Variants in CAPN8 observed in about 807,000 individuals in gnomAD.
The protein encoded by CAPN8 is calpain-8.
Under a neutral mutation model 80.9 loss-of-function variants are expected in CAPN8, and 87 were observed. The ratio of observed to expected loss-of-function variants is 1.07; its 90% confidence interval spans 0.90 to 1.28. CAPN8 has a LOEUF of 1.28. Among genes scored for constraint, CAPN8 ranks in the 50% most tolerant of loss-of-function variants. The pLI, the probability that CAPN8 is intolerant of heterozygous loss-of-function variation, is 0.00. For missense variants in CAPN8, 757 were observed against 702.0 expected (o/e 1.08, Z -0.89); for synonymous variants, 299 against 273.8 (o/e 1.09, Z -0.91).
intron 1 of CAPN8, among the ~76,000 whole-genome samples, chr1:223,656,928 C>T (rs555263348): frequency 6.6e-6 from 1 of 152,136 alleles, no homozygotes; most frequent in South Asian, 2.1e-4. Context: ...TCGTGATCCG[C>T]CCGCCTCGGC....
intron 9 of CAPN8, chr1:223,618,115 A>G: frequency 9.6e-7 from 1 of 1,036,392 alleles, no homozygotes. Flanking sequence ...TTACAGTCTA[A>G]GTCAATCAAC....
intron 2 of CAPN8, chr1:223,642,645 A>G (rs1658075981): frequency 5.3e-6 from 2 of 377,506 alleles, no homozygotes; most frequent in Non-Finnish European, 5.1e-6. Flanking sequence ...GGAAAGGCTG[A>G]CGGGTCATCT....
intron 3 of CAPN8, 116 bp from the exon 4 acceptor site, chr1:223,628,258 T>A: frequency 8.2e-7 from 1 of 1,213,570 alleles, no homozygotes; most frequent in Non-Finnish European, 1.1e-6. Context: ...CTTGGCTCCT[T>A]AGGAGCAGGA....
intron 2 of CAPN8, among the ~76,000 whole-genome samples, chr1:223,651,545 C>T (rs1658341628): frequency 6.6e-6 from 1 of 152,182 alleles, no homozygotes; most frequent in South Asian, 2.1e-4. Context: ...TTAGCAAGGA[C>T]AGTAGGGAGG....
intron 2 of CAPN8, among the ~76,000 whole-genome samples, chr1:223,632,432 G>A (rs1338605125): frequency 1.3e-5 from 2 of 152,162 alleles, no homozygotes; most frequent in African/African-American, 4.8e-5. Flanking sequence ...GAGTGCAGTA[G>A]TGCAACCATG....
At chr1:223,663,851 T>G (rs1438100733) in intron 1 of CAPN8, among the ~76,000 whole-genome samples, 1 of 152,136 alleles carries the variant, frequency 6.6e-6, no homozygotes, top group East Asian at 1.9e-4. Flanking sequence ...CTAGCTGGAG[T>G]TAAATAGTGA....
chr1:223,543,995 C>T, intron 19 of CAPN8, 72 bp downstream of exon 19: 1 of 701,794 alleles, frequency 1.4e-6, no homozygotes, highest in South Asian at 1.5e-5. Flanking sequence ...TGGTTCTGCC[C>T]CTTGGCCCTG....
At chr1:223,628,579 C>T (rs1657671974) in intron 3 of CAPN8, 83 bp downstream of exon 3, 1 of 1,104,180 alleles carries the variant, frequency 9.1e-7, no homozygotes, top group South Asian at 1.5e-5. Context: ...TGCCCCAAAC[C>T]CAGAATTTCT....
At chr1:223,624,282 G>A (rs1657498921) in intron 6 of CAPN8, among the ~76,000 whole-genome samples, 1 of 152,206 alleles carries the variant, frequency 6.6e-6, no homozygotes, top group Non-Finnish European at 1.5e-5. Flanking sequence ...GACATTCATT[G>A]CATTTCCCTT....
intron 18 of CAPN8, among the ~76,000 whole-genome samples, chr1:223,544,561 G>A (rs1376472633): frequency 2.0e-5 from 3 of 152,226 alleles, no homozygotes; most frequent in Non-Finnish European, 2.9e-5. Context: ...CAGAGATCTT[G>A]GAAAAATTCT....
intron 4 of CAPN8, among the ~76,000 whole-genome samples, 182 bp downstream of exon 4, chr1:223,627,827 G>A (rs376329187): frequency 2.6e-5 from 4 of 152,134 alleles, no homozygotes; most frequent in South Asian, 2.1e-4. Flanking sequence ...TAAACTCCCC[G>A]CCCAGATTTC....
intron 1 of CAPN8, among the ~76,000 whole-genome samples, chr1:223,664,240 C>CA (rs1047644694): frequency 6.6e-6 from 1 of 152,288 alleles, no homozygotes; most frequent in African/African-American, 2.4e-5. Context: ...CACAGAGCCC[C>CA]AGCTCCCACC....
chr1:223,620,705 T>C (rs1325305390), intron 7 of CAPN8, among the ~76,000 whole-genome samples: 1 of 152,152 alleles, frequency 6.6e-6, no homozygotes, highest in East Asian at 1.9e-4. Flanking sequence ...AGGGTGAATA[T>C]GCTGACAGAG....
intron 2 of CAPN8, among the ~76,000 whole-genome samples, chr1:223,632,589 T>C (rs895512611): frequency 1.3e-5 from 2 of 152,158 alleles, no homozygotes; most frequent in African/African-American, 4.8e-5. Flanking sequence ...ATGCTGATCC[T>C]GAACTCCTGG....
intron 2 of CAPN8, among the ~76,000 whole-genome samples, chr1:223,631,143 T>C (rs529299331): frequency 1.4e-4 from 22 of 152,190 alleles, no homozygotes; most frequent in African/African-American, 4.3e-4. Flanking sequence ...GTCGTTTTCA[T>C]TGATGTGATT....
chr1:223,635,501 G>C (rs912609835), intron 2 of CAPN8, among the ~76,000 whole-genome samples: 1 of 152,250 alleles, frequency 6.6e-6, no homozygotes, highest in African/African-American at 2.4e-5. Context: ...AAGCTGCCTG[G>C]AGGCAGACAG....
At chr1:223,626,339 G>C (rs1453907281) in intron 5 of CAPN8, among the ~76,000 whole-genome samples, 1 of 151,740 alleles carries the variant, frequency 6.6e-6, no homozygotes, top group African/African-American at 2.4e-5. Flanking sequence ...CACATCTCCT[G>C]CTGGGGTTTG....
intron 10 of CAPN8, 37 bp from the exon 11 acceptor site, chr1:223,612,294 C>T: frequency 1.6e-6 from 2 of 1,234,122 alleles, no homozygotes; most frequent in South Asian, 4.1e-5. Flanking sequence ...CACCTGAGAG[C>T]TCCAAGGTCC....
chr1:223,552,041 A>T (rs924724489), intron 14 of CAPN8, among the ~76,000 whole-genome samples: 1 of 152,222 alleles, frequency 6.6e-6, no homozygotes, highest in African/African-American at 2.4e-5. Flanking sequence ...AGGATGACCA[A>T]GGAAATGCAG....
Sources: gnomAD v4.1 joint callset for allele counts (sites outside exome capture counted in the v4.1 genomes callset) on GRCh38, gnomAD v4.1.1 for gene constraint, MANE v1.5 for transcripts, NCBI Gene and HGNC (gene_info 2026-07-23, HGNC 2026-07-21) for gene names.